SH3RF3: variants seen among roughly 807,000 people sequenced by gnomAD.
The protein encoded by SH3RF3 is SH3 domain containing ring finger 3, also known as E3 ubiquitin-protein ligase SH3RF3.
Under a neutral mutation model 66.3 loss-of-function variants are expected in SH3RF3, and 29 were observed. The ratio of observed to expected loss-of-function variants is 0.44; its 90% CI spans 0.33 to 0.60. SH3RF3 has a LOEUF of 0.60. Among genes scored for constraint, SH3RF3 ranks in the 20% least tolerant of loss-of-function variants. SH3RF3 has a pLI of 0.04. For missense variants in SH3RF3, 1,194 were observed against 1,190.9 expected, an observed-to-expected ratio of 1.00 and a Z score of -0.04; for synonymous variants, 583 against 532.0, an observed-to-expected ratio of 1.10 and a Z score of -1.32.
chr2:109,402,752 A>T (rs574940671), intron 4 of SH3RF3, among the ~76,000 whole-genome samples: 2 of 152,338 alleles, frequency 1.3e-5, no homozygotes, highest in South Asian at 4.1e-4. Flanking sequence ...CTGGACCAGG[A>T]CTTCTGGGCC....
chr2:109,340,729 C>G (rs1053045794), intron 1 of SH3RF3, among the ~76,000 whole-genome samples: 1 of 152,108 alleles, frequency 6.6e-6, no homozygotes, highest in African/African-American at 2.4e-5. Flanking sequence ...CAGTTTTATT[C>G]TCAGCATACT....
intron 1 of SH3RF3, among the ~76,000 whole-genome samples, chr2:109,326,751 A>G (rs1682169536): frequency 6.6e-6 from 1 of 152,186 alleles, no homozygotes; most frequent in African/African-American, 2.4e-5. Flanking sequence ...CCACTGTTCT[A>G]AGTGGTTCTG....
At chr2:109,157,729 G>A (rs902929159) in intron 1 of SH3RF3, among the ~76,000 whole-genome samples, 2 of 152,180 alleles carry the variant, frequency 1.3e-5, no homozygotes, top group Non-Finnish European at 2.9e-5. Context: ...ATCATCCTGA[G>A]ATGCCATACA....
chr2:109,152,795 T>G (rs1443568496), intron 1 of SH3RF3, among the ~76,000 whole-genome samples: 2 of 152,074 alleles, frequency 1.3e-5, no homozygotes, highest in Non-Finnish European at 2.9e-5. Context: ...GGCCTGATGG[T>G]GGGGTGCCTA....
At chr2:109,291,038 G>A (rs893466755) in intron 1 of SH3RF3, among the ~76,000 whole-genome samples, 2 of 152,202 alleles carry the variant, frequency 1.3e-5, no homozygotes, top group African/African-American at 4.8e-5. Context: ...ACATTCTCAT[G>A]TGCTGGGGTA....
At chr2:109,261,152 G>T (rs1033192018) in intron 1 of SH3RF3, among the ~76,000 whole-genome samples, 1 of 152,108 alleles carries the variant, frequency 6.6e-6, no homozygotes, top group Non-Finnish European at 1.5e-5. Context: ...CTGTTGTGTG[G>T]ACACATCAAC....
At chr2:109,196,315 C>T (rs1464832257) in intron 1 of SH3RF3, among the ~76,000 whole-genome samples, 1 of 152,206 alleles carries the variant, frequency 6.6e-6, no homozygotes, top group Non-Finnish European at 1.5e-5. Flanking sequence ...TGGTGTAGCT[C>T]CCCTGGCCCC....
intron 1 of SH3RF3, among the ~76,000 whole-genome samples, chr2:109,273,153 G>C (rs1034069554): frequency 6.6e-6 from 1 of 152,236 alleles, no homozygotes; most frequent in Non-Finnish European, 1.5e-5. Flanking sequence ...AAAATCCGCT[G>C]TACAGGAAAT....
Position 109,445,795 on chromosome 2 carries a change from C to G in SH3RF3, c.1829-3375C>G, listed in dbSNP as rs536684399. The stretch of plus-strand genomic sequence containing the variant: ...GAGTTGTGGGAGTTCCATTTCATCC[C>G]TGAAGTGGGAAGCGATACCCCTGAA... On this transcript the variant is annotated intron_variant, in intron 7 of 9. Transcript: ENST00000309415. Among the ~76,000 whole-genome samples, 10 of 152,120 alleles carry G rather than the reference C, an allele frequency of 6.6e-5. No individual in the cohort carries two copies. In the East Asian group the frequency reaches 1.7e-3, roughly 26 times the overall value.
intron 2 of SH3RF3, among the ~76,000 whole-genome samples, chr2:109,359,593 T>C (rs969027213): frequency 6.6e-6 from 1 of 152,232 alleles, no homozygotes; most frequent in African/African-American, 2.4e-5. Flanking sequence ...TAAATTTCAT[T>C]TGTCCATTCC....
At chr2:109,299,288 TA>T (rs1681400082) in intron 1 of SH3RF3, among the ~76,000 whole-genome samples, 2 of 152,374 alleles carry the variant, frequency 1.3e-5, no homozygotes, top group African/African-American at 4.8e-5. Flanking sequence ...TTATAGATTT[TA>T]TTTTGTTATT....
chr2:109,207,399 A>G (rs1678866056), intron 1 of SH3RF3, among the ~76,000 whole-genome samples: 1 of 152,200 alleles, frequency 6.6e-6, no homozygotes, highest in Non-Finnish European at 1.5e-5. Flanking sequence ...CAACATAAGA[A>G]AAAGTGACAG....
chr2:109,158,047 A>G (rs757399222), intron 1 of SH3RF3, among the ~76,000 whole-genome samples: 2 of 152,312 alleles, frequency 1.3e-5, no homozygotes, highest in Middle Eastern at 3.4e-3. Context: ...GCACTGTGTC[A>G]TCTGGCTCCT....
At chr2:109,396,841 C>T (rs1041502797) in intron 3 of SH3RF3, among the ~76,000 whole-genome samples, 2 of 152,252 alleles carry the variant, frequency 1.3e-5, no homozygotes, top group Admixed American at 1.3e-4. Context: ...AGGTAGCCTG[C>T]ACTTCCATAG....
At chr2:109,386,858 C>T (rs1675836717) in intron 3 of SH3RF3, among the ~76,000 whole-genome samples, 1 of 152,198 alleles carries the variant, frequency 6.6e-6, no homozygotes, top group African/African-American at 2.4e-5. Context: ...CTTTAGGGCA[C>T]CTCACGCTTT....
intron 1 of SH3RF3, among the ~76,000 whole-genome samples, chr2:109,188,073 G>A (rs1049579243): frequency 6.6e-6 from 1 of 152,228 alleles, no homozygotes; most frequent in Non-Finnish European, 1.5e-5. Flanking sequence ...CGTAGTGAGT[G>A]GTCCCGAACT....
chr2:109,336,060 C>T (rs926198145), intron 1 of SH3RF3, among the ~76,000 whole-genome samples: 1 of 152,178 alleles, frequency 6.6e-6, no homozygotes, highest in Non-Finnish European at 1.5e-5. Flanking sequence ...AGAAGGCATT[C>T]CTCTCCCTAC....
At chr2:109,387,728 A>T (rs1481300556) in intron 3 of SH3RF3, among the ~76,000 whole-genome samples, 2 of 152,164 alleles carry the variant, frequency 1.3e-5, no homozygotes, top group Non-Finnish European at 2.9e-5. Flanking sequence ...ATATTCACTT[A>T]TTCCTTGTCT....
chr2:109,202,295 C>T (rs1308601247), intron 1 of SH3RF3, among the ~76,000 whole-genome samples: 4 of 152,144 alleles, frequency 2.6e-5, no homozygotes, highest in Admixed American at 2.0e-4. Context: ...GCGTCTGGAC[C>T]CCCTCGGAGG....
Sources: allele counts gnomAD v4.1 joint callset (sites outside exome capture counted in the v4.1 genomes callset), GRCh38; gene constraint gnomAD v4.1.1; transcripts MANE v1.5; gene names NCBI Gene and HGNC (gene_info 2026-07-23, HGNC 2026-07-21).